The following RBFOX3 variants were observed in gnomAD, a reference collection of about 807,000 sequenced individuals.
RBFOX3 encodes the protein RNA binding protein fox-1 homolog 3.
Under a neutral mutation model 48.7 loss-of-function variants are expected in RBFOX3, and 17 were observed. The observed-to-expected ratio is 0.35, with a 90% confidence interval of 0.24 to 0.52. The LOEUF (loss-of-function observed/expected upper bound fraction) is 0.52, where lower values mean the gene tolerates loss of function less well. RBFOX3 is among the 20% of genes least tolerant of loss of function. RBFOX3 has a pLI of 0.94. For missense variants in RBFOX3, 382 were observed against 497.5 expected, an observed-to-expected ratio of 0.77 and a Z score of 2.21; for synonymous variants, 212 against 209.5, an observed-to-expected ratio of 1.01 and a Z score of -0.10.
intron 14 of RBFOX3, among the ~76,000 whole-genome samples, chr17:79,093,948 A>C (rs954471302): frequency 6.6e-6 from 1 of 152,220 alleles, no homozygotes; most frequent in African/African-American, 2.4e-5. Flanking sequence ...GGAAGCCAGG[A>C]GCTAGAGCCT....
At position 79,423,619 on chromosome 17, in the gene RBFOX3, C is replaced by G. The variant is rs1457941760; in HGVS notation, c.-175+58835G>C. 1.3e-5 allele frequency: 2 copies of G among 153,408 alleles called. No individual in the cohort carries two copies. The highest frequency in any genetic ancestry group is 4.8e-5 in the African/African-American group (2 of 41,416). The allele number at this position is 153,408 out of a possible 1,614,324, so 9.5% of individuals were successfully genotyped here. Reference sequence around the variant, plus strand: ...ACTGCCCCCTGTGCAAACGCAGCCCCCACCCCTTCGTCCCATTTGCTTTTT... The same window carrying G: ...ACTGCCCCCTGTGCAAACGCAGCCCGCACCCCTTCGTCCCATTTGCTTTTT... On this transcript the variant is annotated intron_variant, in intron 2 of 14. Transcript: ENST00000693108. The surrounding 1 kb of genome is among the most constrained non-coding windows in gnomAD (Gnocchi z 4.9).
chr17:79,249,025 G>A lies in RBFOX3; in HGVS notation c.-73-13220C>T, dbSNP rs562202302. 2.6e-5 allele frequency among the ~76,000 whole-genome samples: 4 copies of A among 152,302 alleles called. No individual in the cohort carries two copies. Among genetic ancestry groups the A allele is most frequent in the East Asian group, 3.9e-4 (2 of 5,170 alleles). On this transcript the variant is annotated intron_variant, in intron 3 of 14. Transcript: ENST00000693108. The surrounding 1 kb of genome is among the most constrained non-coding windows in gnomAD (Gnocchi z 4.1). Reference sequence around the variant, plus strand: ...GCCTCCATCGGCTGGGATGCGGTGCGGTCTTCCGCCAGCGGGGCCAGAACC... The same window carrying A: ...GCCTCCATCGGCTGGGATGCGGTGCAGTCTTCCGCCAGCGGGGCCAGAACC...
intron 2 of RBFOX3, among the ~76,000 whole-genome samples, chr17:79,468,611 G>C (rs1598829641): frequency 6.6e-6 from 1 of 152,096 alleles, no homozygotes; most frequent in South Asian, 2.1e-4. Flanking sequence ...TGGATAGATA[G>C]ATAGCAGATA....
At chr17:79,652,553 G>A in the RBFOX3 span, among the ~76,000 whole-genome samples, 1 of 3,878 alleles carries the variant, frequency 2.6e-4, no homozygotes, top group Non-Finnish European at 4.8e-4. Context: ...ACGAGAGAAA[G>A]AGAGGAAGGA....
chr17:79,171,900 G>A (rs191002305), intron 4 of RBFOX3, among the ~76,000 whole-genome samples: 192 of 152,200 alleles, frequency 1.3e-3, no homozygotes, highest in African/African-American at 4.3e-3. Flanking sequence ...GGCTGGGTGC[G>A]GTGGCTCACG....
chr17:79,383,065 C>CACACACAA (rs1555698585), intron 2 of RBFOX3, among the ~76,000 whole-genome samples: 16 of 141,222 alleles, frequency 1.1e-4, no homozygotes, highest in African/African-American at 3.8e-4. Context: ...CACACACACA[C>CACACACAA]ACACACACAG....
chr17:79,156,191 G>C (rs572325585), intron 4 of RBFOX3, among the ~76,000 whole-genome samples: 1 of 152,324 alleles, frequency 6.6e-6, no homozygotes, highest in South Asian at 2.1e-4. Context: ...GGTCTTGGAT[G>C]CAGAGAGATC....
chr17:79,287,473 C>T (rs1343213414), intron 3 of RBFOX3, among the ~76,000 whole-genome samples: 2 of 152,188 alleles, frequency 1.3e-5, no homozygotes, highest in Non-Finnish European at 2.9e-5. Flanking sequence ...CCTTGACCTT[C>T]CAGCTCAGTG....
At chr17:79,265,272 C>T (rs1390208746) in intron 3 of RBFOX3, among the ~76,000 whole-genome samples, 1 of 152,220 alleles carries the variant, frequency 6.6e-6, no homozygotes, top group African/African-American at 2.4e-5. Context: ...GCCGTGTCCT[C>T]CCCGAAGCCG....
chr17:79,485,806 C>T (rs2079505650), intron 1 of RBFOX3, among the ~76,000 whole-genome samples: 1 of 152,256 alleles, frequency 6.6e-6, no homozygotes, highest in African/African-American at 2.4e-5. Context: ...GCGCCCCGCA[C>T]CCCTCCTCTG....
At chr17:79,279,468 T>TGGCCC (rs1198271987) in intron 3 of RBFOX3, among the ~76,000 whole-genome samples, 3 of 152,166 alleles carry the variant, frequency 2.0e-5, no homozygotes, top group African/African-American at 2.4e-5. Flanking sequence ...CGGCACAGCA[T>TGGCCC]GGCCCGGCCC....
At chr17:79,114,623 C>T (rs1032471592) in intron 5 of RBFOX3, among the ~76,000 whole-genome samples, 15 of 152,220 alleles carry the variant, frequency 9.9e-5, no homozygotes, top group African/African-American at 2.7e-4. Flanking sequence ...CATTGGGAGC[C>T]GCCGGGGCGG....
chr17:79,153,360 TGAGA>T (rs1036352077), intron 4 of RBFOX3, among the ~76,000 whole-genome samples: 3 of 152,238 alleles, frequency 2.0e-5, no homozygotes, highest in Non-Finnish European at 2.9e-5. Flanking sequence ...CATGCCTCAT[TGAGA>T]GAATTTCCAA....
intron 6 of RBFOX3, among the ~76,000 whole-genome samples, chr17:79,105,597 C>G (rs1026387366): frequency 6.6e-6 from 1 of 152,188 alleles, no homozygotes; most frequent in Admixed American, 6.5e-5. Flanking sequence ...GCTCCTGAGA[C>G]GGGGAGTGGA....
chr17:79,559,489 T>G (rs1599155320), intron 1 of RBFOX3, among the ~76,000 whole-genome samples: 2 of 144,964 alleles, frequency 1.4e-5, no homozygotes, highest in African/African-American at 5.2e-5. Flanking sequence ...GATGGATGGG[T>G]AGGTGGTGGA....
chr17:79,231,147 G>A (rs1350801197), intron 4 of RBFOX3, among the ~76,000 whole-genome samples: 1 of 152,164 alleles, frequency 6.6e-6, no homozygotes, highest in African/African-American at 2.4e-5. Context: ...GAGAGGTGGG[G>A]AGCCAAGGTG....
intron 2 of RBFOX3, among the ~76,000 whole-genome samples, chr17:79,454,413 G>C (rs1271585245): frequency 1.3e-5 from 2 of 152,026 alleles, no homozygotes; most frequent in Non-Finnish European, 2.9e-5. Context: ...CCTCTGCGGA[G>C]GCCCAGCCCC....
chr17:79,472,856 G>A (rs2077219984), intron 2 of RBFOX3, among the ~76,000 whole-genome samples: 1 of 152,182 alleles, frequency 6.6e-6, no homozygotes, highest in Admixed American at 6.5e-5. Context: ...ACCATCTGTG[G>A]TGAAGGATTC....
At chr17:79,331,842 C>T (rs537370623) in intron 2 of RBFOX3, among the ~76,000 whole-genome samples, 65 of 152,330 alleles carry the variant, frequency 4.3e-4, no homozygotes, top group South Asian at 2.7e-3. Context: ...TTTTCTTCGA[C>T]TATTTTTCTC....
Sources: allele counts gnomAD v4.1 joint callset (sites outside exome capture counted in the v4.1 genomes callset), GRCh38; gene constraint gnomAD v4.1.1; non-coding constraint Gnocchi (gnomAD v3.1); transcripts MANE v1.5; gene names NCBI Gene and HGNC (gene_info 2026-07-23, HGNC 2026-07-21).